BRDT: variants seen among roughly 807,000 people sequenced by gnomAD.
BRDT encodes the protein bromodomain testis-specific protein.
A neutral mutation model predicts 113.9 loss-of-function variants in BRDT; 77 were observed. The observed-to-expected ratio is 0.68, with a 90% CI of 0.56 to 0.82. The LOEUF (loss-of-function observed/expected upper bound fraction) is 0.82. Among genes scored for constraint, BRDT ranks in the 40% least tolerant of loss-of-function variants. The pLI, the probability that BRDT is intolerant of heterozygous loss-of-function variation, is 0.00. For synonymous variants in BRDT, 358 were observed against 366.5 expected (o/e 0.98, Z 0.26); for missense variants, 1,027 against 1,105.4 (o/e 0.93, Z 1.01).
rs1457952822 is a variant in BRDT, at chr1:91,980,996, A to G, written c.1568A>G (p.Asn523Ser). 6 of 1,613,978 alleles carry G rather than the reference A, an allele frequency of 3.7e-6. No homozygotes were observed. The Admixed American group carries it at 8.3e-5, about 22-fold the overall frequency. The change falls in exon 10 of 19, where the codon AAC becomes AGC. Residue 523 changes from asparagine (N) to serine (S), a missense_variant. By Grantham distance (46) the Asn-to-Ser change is conservative (BLOSUM62 1). Transcript: ENST00000399546. Reference sequence around the variant, plus strand: ...AAAAGGCAGTTAAGTCTGAATATAAACAAACTCCCTGGAGATAAACTTGGG... The same window carrying G: ...AAAAGGCAGTTAAGTCTGAATATAAGCAAACTCCCTGGAGATAAACTTGGG... ...DEKRQLSLNI[N>S]KLPGDKLGRV...
intron 3 of BRDT, among the ~76,000 whole-genome samples, chr1:91,967,121 T>C (rs1459789694): frequency 6.6e-6 from 1 of 152,174 alleles, no homozygotes; most frequent in Non-Finnish European, 1.5e-5. Context: ...ATTGAGTCAG[T>C]GCTACAGTGT....
chr1:91,993,824 C>T (rs747490016), intron 14 of BRDT, among the ~76,000 whole-genome samples: 1 of 152,080 alleles, frequency 6.6e-6, no homozygotes, highest in Non-Finnish European at 1.5e-5. Context: ...CATGCATACT[C>T]ATAACTAAGA....
intron 14 of BRDT, among the ~76,000 whole-genome samples, chr1:91,993,365 A>G (rs1352428206): frequency 6.6e-6 from 1 of 152,178 alleles, no homozygotes; most frequent in East Asian, 1.9e-4. Flanking sequence ...TGCTACTGTA[A>G]CTTCGCTTGC....
At chr1:92,010,240 GC>G (rs1687675828) in intron 18 of BRDT, among the ~76,000 whole-genome samples, 1 of 147,076 alleles carries the variant, frequency 6.8e-6, no homozygotes, top group Admixed American at 6.8e-5. Context: ...ATTTAAAGTT[GC>G]CTCATAGCTC....
At chr1:91,965,522 C>T (rs1682968484) in intron 3 of BRDT, among the ~76,000 whole-genome samples, 1 of 152,096 alleles carries the variant, frequency 6.6e-6, no homozygotes, top group Non-Finnish European at 1.5e-5. Context: ...AAACCAATTG[C>T]CTACTTCTAA....
chr1:92,000,433 A>G (rs570641214), intron 15 of BRDT, among the ~76,000 whole-genome samples: 266 of 152,346 alleles, frequency 1.7e-3, no homozygotes, highest in Non-Finnish European at 2.9e-3. Context: ...ACAGACGTAC[A>G]AATTAAAAAT....
At chr1:91,983,372 C>T (rs1000303701) in intron 12 of BRDT, among the ~76,000 whole-genome samples, 1 of 150,706 alleles carries the variant, frequency 6.6e-6, no homozygotes, top group African/African-American at 2.4e-5. Flanking sequence ...TCACGCCGTT[C>T]TCCTGCCTCA....
At chr1:91,991,809 G>A (rs1449855600) in intron 13 of BRDT, among the ~76,000 whole-genome samples, 4 of 150,928 alleles carry the variant, frequency 2.7e-5, no homozygotes, top group African/African-American at 4.9e-5. Context: ...TGGCTAATAC[G>A]GTGAAACCCC....
In BRDT at chr1:91,977,158, T is replaced by C. The variant is rs756459153; in HGVS notation, c.734T>C (p.Ile245Thr). Residue 245 changes from isoleucine (I) to threonine (T), a missense_variant, in exon 6 of 19, where the codon ATA becomes ACA. By Grantham distance (89) the Ile-to-Thr change is moderately conservative. Transcript: ENST00000399546. The stretch of plus-strand genomic sequence containing the variant: ...GAAAAATCAGTGGCACTGCCACCTA[T>C]AAAAGAAAATATGCCAAAGAATGTT... Reference protein sequence around the residue: ...FTEKSVALPPIKENMPKNVLP... With the variant: ...FTEKSVALPPTKENMPKNVLP... The C allele has an allele frequency of 1.2e-6, 2 of 1,614,028 alleles. No individual in the cohort carries two copies. Among genetic ancestry groups the C allele is most frequent in the South Asian group, 2.2e-5 (2 of 91,060 alleles).
rs751602753 is a variant in BRDT at position 92,002,157 on chromosome 1, T to A, written c.2388+8T>A. On this transcript the variant is annotated splice_region_variant and intron_variant, in intron 16 of 18. Coordinates refer to ENST00000399546, the MANE Select transcript of BRDT (RefSeq NM_207189.4). Reference sequence around the variant, plus strand: ...CAAGCTCCTGTACAGAAGGTAAAAGTAATTTTTTTTTTCTAACAAATCTTG... The same window carrying A: ...CAAGCTCCTGTACAGAAGGTAAAAGAAATTTTTTTTTTCTAACAAATCTTG... 8.0e-5 allele frequency: 128 copies of A among 1,598,208 alleles called. No individual in the cohort carries two copies. The highest frequency in any genetic ancestry group is 1.7e-4 in the Middle Eastern group (1 of 6,030).
chr1:91,976,575 TG>T, intron 5 of BRDT, 137 bp downstream of exon 5: 1 of 837,538 alleles, frequency 1.2e-6, no homozygotes, highest in African/African-American at 1.8e-5. Context: ...GAAATAATAC[TG>T]TTTCCGCCTC....
At chr1:91,957,815 C>G (rs1043706570) in intron 1 of BRDT, among the ~76,000 whole-genome samples, 4 of 152,064 alleles carry the variant, frequency 2.6e-5, no homozygotes, top group Non-Finnish European at 5.9e-5. Flanking sequence ...TTTACTATCT[C>G]TATAGTTTTG....
chr1:91,994,158 C>T lies in BRDT; in HGVS notation c.2191C>T (p.Pro731Ser), dbSNP rs1455569071. ...VHQTTPSHVM[P>S]PNHHQLAFNY... ...TCAGACCACACCTTCACATGTAATGCCACCAAATCACCACCAATTAGCATT... is the reference window on the plus strand; with the variant it reads ...TCAGACCACACCTTCACATGTAATGTCACCAAATCACCACCAATTAGCATT... Residue 731 changes from proline (P) to serine (S), a missense_variant, in exon 15 of 19, where the codon CCA (proline) becomes TCA (serine). Coordinates refer to ENST00000399546, the MANE Select transcript of BRDT (RefSeq NM_207189.4). 4 of 1,613,452 alleles carry T rather than the reference C, an allele frequency of 2.5e-6. No individual in the cohort carries two copies. The highest frequency in any genetic ancestry group is 3.4e-6 in the Non-Finnish European group (4 of 1,179,548).
chr1:91,996,152 TAATTTGTATACAACAAATTATATACA>T (rs980082680), intron 15 of BRDT, among the ~76,000 whole-genome samples: 5 of 152,256 alleles, frequency 3.3e-5, no homozygotes, highest in East Asian at 1.9e-4. Flanking sequence ...CCAGTGCCAT[TAATTTGTATACAACAAATTATATACA>T]AATTTGTATA....
intron 18 of BRDT, 43 bp downstream of exon 18, chr1:92,005,342 A>G: frequency 1.4e-6 from 2 of 1,445,218 alleles, no homozygotes; most frequent in Non-Finnish European, 1.8e-6. Flanking sequence ...AACAAGGGAA[A>G]GATTTAACAG....
intron 15 of BRDT, among the ~76,000 whole-genome samples, chr1:91,995,547 A>G (rs1686238190): frequency 1.3e-5 from 2 of 151,372 alleles, no homozygotes; most frequent in African/African-American, 4.9e-5. Context: ...AACCTCCGCA[A>G]TGATTCCCGG....
chr1:91,994,925 G>A (rs1686160747), intron 15 of BRDT, among the ~76,000 whole-genome samples: 1 of 144,432 alleles, frequency 6.9e-6, no homozygotes, highest in African/African-American at 2.5e-5. Context: ...GATTCTATAA[G>A]TAAAGAAAAG....
chr1:91,991,991 C>CAAAAAA (rs764759925), intron 13 of BRDT, among the ~76,000 whole-genome samples: 14 of 67,748 alleles, frequency 2.1e-4, no homozygotes, highest in South Asian at 7.8e-4. Context: ...GACTCTGTCT[C>CAAAAAA]AAAAAAAAAA....
chr1:91,958,119 A>G (rs2101530778), intron 1 of BRDT, among the ~76,000 whole-genome samples: 1 of 151,988 alleles, frequency 6.6e-6, no homozygotes, highest in East Asian at 1.9e-4. Context: ...CTGGGATTAC[A>G]GGCGCGAGCC....
Sources: allele counts gnomAD v4.1 joint callset (sites outside exome capture counted in the v4.1 genomes callset), GRCh38; gene constraint gnomAD v4.1.1; transcripts MANE v1.5; gene names NCBI Gene and HGNC (gene_info 2026-07-23, HGNC 2026-07-21).